The following CNTNAP2 variants were observed in gnomAD, a reference collection of about 807,000 sequenced individuals.
CNTNAP2 encodes the protein contactin-associated protein-like 2.
In CNTNAP2, 98 loss-of-function variants were observed where a neutral mutation model predicts 155.2. The ratio of observed to expected loss-of-function variants is 0.63; its 90% confidence interval spans 0.54 to 0.75. The LOEUF is 0.75. Ranked by LOEUF, CNTNAP2 falls within the 30% of genes least tolerant of loss-of-function variation. The pLI is 0.00. For missense variants in CNTNAP2, 1,727 were observed against 1,688.1 expected (o/e 1.02, Z -0.40); for synonymous variants, 651 against 631.2 (o/e 1.03, Z -0.47).
At chr7:146,779,632 C>A (rs981101110) in intron 2 of CNTNAP2, among the ~76,000 whole-genome samples, 1 of 152,142 alleles carries the variant, frequency 6.6e-6, no homozygotes, top group Non-Finnish European at 1.5e-5. Context: ...TTCTTTTCAC[C>A]TTCCTGCCAC....
intron 21 of CNTNAP2, among the ~76,000 whole-genome samples, chr7:148,371,861 A>C (rs145409063): frequency 6.6e-6 from 1 of 152,170 alleles, no homozygotes; most frequent in East Asian, 1.9e-4. Flanking sequence ...ACACAACGGT[A>C]TTTGTTCACT....
chr7:147,377,619 A>T (rs1312467436), intron 9 of CNTNAP2, among the ~76,000 whole-genome samples: 4 of 151,394 alleles, frequency 2.6e-5, no homozygotes, highest in Non-Finnish European at 4.4e-5. Context: ...TTAATTTAAA[A>T]TTTTTTCATT....
chr7:146,144,870 G>C (rs377005394), intron 1 of CNTNAP2, among the ~76,000 whole-genome samples: 4 of 152,122 alleles, frequency 2.6e-5, no homozygotes, highest in Non-Finnish European at 4.4e-5. Context: ...ACAAAATAAG[G>C]TGTGACACAA....
At chr7:147,175,345 T>G (rs1476292114) in intron 8 of CNTNAP2, among the ~76,000 whole-genome samples, 3 of 152,136 alleles carry the variant, frequency 2.0e-5, no homozygotes, top group African/African-American at 7.2e-5. Flanking sequence ...CATTCTAGAC[T>G]ACTCTGGCCT....
chr7:147,068,355 A>C (rs1799823107), intron 4 of CNTNAP2, among the ~76,000 whole-genome samples: 1 of 151,976 alleles, frequency 6.6e-6, no homozygotes, highest in African/African-American at 2.4e-5. Flanking sequence ...TTATTTATTT[A>C]TTTGTTTGTT....
chr7:146,435,934 A>G (rs1796236967), intron 1 of CNTNAP2, among the ~76,000 whole-genome samples: 1 of 152,154 alleles, frequency 6.6e-6, no homozygotes, highest in African/African-American at 2.4e-5. Flanking sequence ...ATACTTGGTA[A>G]ATGATATGCC....
chr7:146,603,616 T>G (rs1250987570), intron 1 of CNTNAP2, among the ~76,000 whole-genome samples: 1 of 150,724 alleles, frequency 6.6e-6, no homozygotes, highest in East Asian at 2.0e-4. Flanking sequence ...CATTGCCAAG[T>G]CAACCCTAAG....
chr7:146,794,671 T>A (rs190660792), intron 2 of CNTNAP2, among the ~76,000 whole-genome samples: 6 of 152,238 alleles, frequency 3.9e-5, no homozygotes, highest in Admixed American at 1.3e-4. Context: ...AACTAAGGCC[T>A]ATCTAACTGT....
At chr7:147,637,527 G>GCA (rs1795200923) in intron 12 of CNTNAP2, among the ~76,000 whole-genome samples, 1 of 152,056 alleles carries the variant, frequency 6.6e-6, no homozygotes, top group Non-Finnish European at 1.5e-5. Flanking sequence ...GCTCTCTCTT[G>GCA]CGCTCTGTCT....
chr7:146,410,835 C>T (rs964010759), intron 1 of CNTNAP2, among the ~76,000 whole-genome samples: 9 of 152,172 alleles, frequency 5.9e-5, no homozygotes, highest in Admixed American at 3.9e-4. Flanking sequence ...CAACTTTTTC[C>T]GATTCCATAG....
chr7:147,967,670 G>A (rs533084788), intron 14 of CNTNAP2, among the ~76,000 whole-genome samples: 18 of 152,210 alleles, frequency 1.2e-4, no homozygotes, highest in African/African-American at 4.1e-4. Context: ...AATTGCATGT[G>A]GGGAGACTGT....
intron 1 of CNTNAP2, among the ~76,000 whole-genome samples, chr7:146,156,792 G>A (rs1259095514): frequency 6.6e-6 from 1 of 152,100 alleles, no homozygotes; most frequent in African/African-American, 2.4e-5. Flanking sequence ...AGTAAAAACA[G>A]GTTTCACCAT....
intron 13 of CNTNAP2, among the ~76,000 whole-genome samples, chr7:147,679,805 C>T (rs1795919928): frequency 6.6e-6 from 1 of 151,810 alleles, no homozygotes; most frequent in East Asian, 1.9e-4. Context: ...AGTCTAGTAT[C>T]ACGTCAGGAT....
chr7:147,995,237 T>C (rs1218215484), intron 15 of CNTNAP2, among the ~76,000 whole-genome samples: 1 of 152,192 alleles, frequency 6.6e-6, no homozygotes, highest in Non-Finnish European at 1.5e-5. Flanking sequence ...AACCACATTG[T>C]TTGTACCAAC....
At chr7:146,755,082 A>C (rs1253507931) in intron 1 of CNTNAP2, among the ~76,000 whole-genome samples, 1 of 151,914 alleles carries the variant, frequency 6.6e-6, no homozygotes, top group Non-Finnish European at 1.5e-5. Context: ...ACTCTCCTGC[A>C]ATGGGATTGA....
intron 3 of CNTNAP2, among the ~76,000 whole-genome samples, chr7:147,002,148 T>C (rs886966665): frequency 1.6e-4 from 25 of 152,052 alleles, no homozygotes; most frequent in Middle Eastern, 3.4e-3. Context: ...CTTTAAAAGA[T>C]GCATTTATTA....
intron 11 of CNTNAP2, among the ~76,000 whole-genome samples, chr7:147,517,930 T>A (rs1799157572): frequency 6.6e-6 from 1 of 152,196 alleles, no homozygotes; most frequent in Non-Finnish European, 1.5e-5. Context: ...TGTTTTTCTT[T>A]TTGTTTCCTT....
At chr7:146,414,204 T>C (rs1795905784) in intron 1 of CNTNAP2, among the ~76,000 whole-genome samples, 1 of 152,218 alleles carries the variant, frequency 6.6e-6, no homozygotes, top group African/African-American at 2.4e-5. Flanking sequence ...TTCGTGATTC[T>C]TAGTGGTTAT....
At chr7:146,367,835 G>C (rs1795177078) in intron 1 of CNTNAP2, among the ~76,000 whole-genome samples, 1 of 151,914 alleles carries the variant, frequency 6.6e-6, no homozygotes, top group Admixed American at 6.6e-5. Flanking sequence ...CAATATATGA[G>C]GAGATAAAAT....
Sources: allele counts gnomAD v4.1 joint callset (sites outside exome capture counted in the v4.1 genomes callset), GRCh38; gene constraint gnomAD v4.1.1; transcripts MANE v1.5; gene names NCBI Gene and HGNC (gene_info 2026-07-23, HGNC 2026-07-21).